The following PRKCB variants were observed in gnomAD, a reference collection of about 807,000 sequenced individuals.
The protein encoded by PRKCB is protein kinase C beta, also known as protein kinase C beta type.
A neutral mutation model predicts 81.5 loss-of-function variants in PRKCB; 13 were observed. The observed-to-expected ratio is 0.16, with a 90% CI of 0.10 to 0.25. The LOEUF is 0.25. Among genes scored for constraint, PRKCB ranks in the 10% least tolerant of loss-of-function variants. The pLI is 1.00. For missense variants in PRKCB, 509 were observed against 875.7 expected, an observed-to-expected ratio of 0.58 and a Z score of 5.29; for synonymous variants, 335 against 321.4, an observed-to-expected ratio of 1.04 and a Z score of -0.45.
At chr16:24,009,275 G>A (rs62029624) in intron 3 of PRKCB, among the ~76,000 whole-genome samples, 45,762 of 152,028 alleles carry the variant, frequency 0.3, 7,035 homozygotes, top group South Asian at 0.36. Flanking sequence ...ACCTTCACAC[G>A]GGCTAAGGAC....
chr16:24,097,731 C>T (rs751725611), intron 7 of PRKCB, among the ~76,000 whole-genome samples: 6 of 152,152 alleles, frequency 3.9e-5, no homozygotes, highest in South Asian at 2.1e-4. Flanking sequence ...GTGAGATTTA[C>T]ATTGGCTCAA....
At chr16:23,970,372 A>G (rs1007577797) in intron 2 of PRKCB, among the ~76,000 whole-genome samples, 11 of 152,204 alleles carry the variant, frequency 7.2e-5, no homozygotes, top group African/African-American at 2.4e-5. Flanking sequence ...GCTCTGAGCT[A>G]CAGGATTCTG....
chr16:24,108,170 CTT>C (rs71154279), intron 7 of PRKCB, among the ~76,000 whole-genome samples: 1 of 142,608 alleles, frequency 7.0e-6, no homozygotes, highest in Admixed American at 7.0e-5. Context: ...ATTTTTTTTT[CTT>C]TTTTTTTTTA....
At chr16:23,947,062 G>A (rs1031181006) in intron 2 of PRKCB, among the ~76,000 whole-genome samples, 1 of 152,096 alleles carries the variant, frequency 6.6e-6, no homozygotes, top group Non-Finnish European at 1.5e-5. Context: ...TACCATGTTG[G>A]CCAGGCTGGT....
At chr16:24,133,132 C>A (rs1966855971) in intron 9 of PRKCB, among the ~76,000 whole-genome samples, 1 of 152,088 alleles carries the variant, frequency 6.6e-6, no homozygotes, top group Non-Finnish European at 1.5e-5. Flanking sequence ...AATCTCAGTG[C>A]TTTGGGAGGC....
chr16:24,218,130 C>T lies in PRKCB; in HGVS notation c.*3314C>T. The stretch of plus-strand genomic sequence containing the variant: ...GATGAGGACCCTGTTTATTGTTTCT[C>T]TCCAAGAAATTCTCCAAGAATATTG... On this transcript the variant is annotated 3_prime_UTR_variant, in exon 17 of 17. Coordinates refer to ENST00000643927, the MANE Select transcript of PRKCB (RefSeq NM_002738.7). 1 of 985,224 alleles carries T rather than the reference C, an allele frequency of 1.0e-6. No homozygotes were observed. Among genetic ancestry groups the T allele is most frequent in the Non-Finnish European group, 1.2e-6 (1 of 829,896 alleles). The allele number at this position is 985,224 out of a possible 1,614,324, so 61.0% of individuals were successfully genotyped here. A position where few individuals can be genotyped will look rare whatever the true frequency, so the allele number is the denominator to read the frequency against.
intron 2 of PRKCB, among the ~76,000 whole-genome samples, chr16:23,857,070 C>T (rs908503992): frequency 2.0e-5 from 3 of 152,110 alleles, no homozygotes; most frequent in Non-Finnish European, 4.4e-5. Flanking sequence ...ATTCTTACCC[C>T]ATCACCATGT....
intron 16 of PRKCB, chr16:24,191,660 A>G: frequency 6.5e-6 from 1 of 154,854 alleles, no homozygotes; most frequent in East Asian, 1.9e-4. Context: ...CAGTATTTAA[A>G]TTTAATTCTG....
chr16:24,116,553 T>C (rs1034806569), intron 8 of PRKCB, among the ~76,000 whole-genome samples: 3 of 152,300 alleles, frequency 2.0e-5, no homozygotes, highest in African/African-American at 4.8e-5. Context: ...AACAGACACA[T>C]TGGCCTTGAG....
chr16:23,836,413 TCTCCGCGCCCTCTGCGCC>T (rs1384623304), intron 1 of PRKCB, 65 bp downstream of exon 1: 8 of 1,525,600 alleles, frequency 5.2e-6, no homozygotes, highest in Non-Finnish European at 7.0e-6. Flanking sequence ...AGGGACCCCC[TCTCCGCGCCCTCTGCGCC>T]CTCCGCGCCC....
intron 13 of PRKCB, among the ~76,000 whole-genome samples, chr16:24,182,755 A>G (rs577826677): frequency 6.6e-6 from 1 of 151,988 alleles, no homozygotes; most frequent in Non-Finnish European, 1.5e-5. Context: ...CACACAGTTG[A>G]GGGTTTCTTG....
At chr16:24,021,210 CTT>C (rs1314922433) in intron 3 of PRKCB, among the ~76,000 whole-genome samples, 8 of 21,806 alleles carry the variant, frequency 3.7e-4, no homozygotes, top group African/African-American at 1.8e-3. Flanking sequence ...TTCTTTCTTT[CTT>C]TCTTTCTTTC....
At chr16:24,117,044 A>C (rs174828) in intron 8 of PRKCB, among the ~76,000 whole-genome samples, 63,470 of 152,084 alleles carry the variant, frequency 0.42, 14,345 homozygotes, top group East Asian at 0.53. Context: ...TTATGCCTGA[A>C]TTATAATCGC....
intron 13 of PRKCB, among the ~76,000 whole-genome samples, chr16:24,183,963 A>G (rs560748503): frequency 2.0e-5 from 3 of 152,314 alleles, no homozygotes; most frequent in Non-Finnish European, 2.9e-5. Context: ...TGATACACCA[A>G]TTCTACATCT....
At chr16:23,998,486 G>A (rs980061711) in intron 3 of PRKCB, among the ~76,000 whole-genome samples, 3 of 152,160 alleles carry the variant, frequency 2.0e-5, no homozygotes, top group Admixed American at 1.3e-4. Flanking sequence ...CTAGAGAAAC[G>A]GTATTGTGTC....
At position 24,214,944 on chromosome 16, in the gene PRKCB, T is replaced by A. The variant is rs3380; in HGVS notation, c.*128T>A. 42,855 of 1,507,624 alleles carry A rather than the reference T, an allele frequency of 0.028. 682 individuals carry two copies. Among genetic ancestry groups the A allele is most frequent in the Middle Eastern group, 0.061 (253 of 4,154 alleles). 93.4% of individuals were successfully genotyped at this position (1,507,624 alleles called of 1,614,324 possible). A position where few individuals can be genotyped will look rare whatever the true frequency, so the allele number is the denominator to read the frequency against. On this transcript the variant is annotated 3_prime_UTR_variant, in exon 17 of 17. Coordinates refer to ENST00000643927, the MANE Select transcript of PRKCB (RefSeq NM_002738.7). ...TTTTCTGATGAGACTAGAGTGACAG[T>A]GTTTCAGAACCCAAATGTCCTCAGG...
intron 2 of PRKCB, among the ~76,000 whole-genome samples, chr16:23,884,842 A>C (rs1368002183): frequency 6.6e-6 from 1 of 152,126 alleles, no homozygotes; most frequent in Non-Finnish European, 1.5e-5. Context: ...TGCCTAGCCC[A>C]TATCTCCTTT....
At chr16:24,133,986 C>T (rs924013085) in intron 9 of PRKCB, among the ~76,000 whole-genome samples, 116 of 151,604 alleles carry the variant, frequency 7.7e-4, no homozygotes, top group African/African-American at 2.7e-3. Flanking sequence ...GCTTCAACCT[C>T]CCAGGCTCAA....
intron 2 of PRKCB, among the ~76,000 whole-genome samples, chr16:23,856,588 A>G (rs12928014): frequency 0.5 from 76,467 of 151,454 alleles, 21,003 homozygotes; most frequent in East Asian, 0.66. Context: ...CAGTGGTACA[A>G]TCATAGCTGA....
Sources: gnomAD v4.1 joint callset for allele counts (sites outside exome capture counted in the v4.1 genomes callset) on GRCh38, gnomAD v4.1.1 for gene constraint, MANE v1.5 for transcripts, NCBI Gene and HGNC (gene_info 2026-07-23, HGNC 2026-07-21) for gene names.